GCA: variants seen among roughly 807,000 people sequenced by gnomAD.
GCA encodes the protein grancalcin.
GCA carries 30 observed loss-of-function variants against 32.6 expected under a neutral mutation model. The ratio of observed to expected loss-of-function variants is 0.92; its 90% CI spans 0.69 to 1.25. GCA has a LOEUF of 1.25. Ranked by LOEUF, GCA falls within the 50% of genes most tolerant of loss-of-function variation. GCA has a pLI of 0.00. For synonymous variants in GCA, 102 were observed against 84.6 expected, an observed-to-expected ratio of 1.21 and a Z score of -1.13; for missense variants, 291 against 266.8, an observed-to-expected ratio of 1.09 and a Z score of -0.63.
At chr2:162,357,328 C>T (rs1685331958) in intron 5 of GCA, among the ~76,000 whole-genome samples, 1 of 151,626 alleles carries the variant, frequency 6.6e-6, no homozygotes, top group South Asian at 2.1e-4. Context: ...GAACACATAG[C>T]AGGTGCCAAA....
rs1337982812 is a variant in GCA at position 162,344,292 on chromosome 2, T to A, written c.27+17T>A. The A allele has an allele frequency of 3.1e-6, 5 of 1,612,902 alleles. No homozygotes were observed. Among genetic ancestry groups the A allele is most frequent in the African/African-American group, 2.7e-5 (2 of 74,872 alleles). ...GGAGGAGGGGTGAGTCCCAGCCGCT[T>A]GGTCGTGTCCCTCTTCCTCGCGGGG... On this transcript the variant is annotated intron_variant, in intron 1 of 7. Coordinates refer to ENST00000437150, the MANE Select transcript of GCA (RefSeq NM_012198.5).
downstream of GCA, chr2:162,373,614 C>T: frequency 6.4e-7 from 1 of 1,565,170 alleles, no homozygotes; most frequent in Non-Finnish European, 8.7e-7. Context: ...TTTGTTTCTG[C>T]AGCAACTGTA....
In GCA at chr2:162,360,842, C is replaced by CT; in HGVS notation, c.*605dup. On this transcript the variant is annotated 3_prime_UTR_variant, in exon 8 of 8. Coordinates refer to ENST00000437150, the MANE Select transcript of GCA (RefSeq NM_012198.5). ...AGACTACAGAAGGCATTGTTTTTTC[C>CT]TTTTTTATTTTTTGTATTATATATT... The CT allele has an allele frequency of 8.4e-7, 1 of 1,186,920 alleles. No homozygotes were observed. The highest frequency in any genetic ancestry group is 1.1e-6 in the Non-Finnish European group (1 of 940,892). The allele number at this position is 1,186,920 out of a possible 1,614,324, so 73.5% of individuals were successfully genotyped here. A position where few individuals can be genotyped will look rare whatever the true frequency, so the allele number is the denominator to read the frequency against.
At chr2:162,331,760 A>G (rs1476546116) in intron 1 of GCA, among the ~76,000 whole-genome samples, 1 of 152,216 alleles carries the variant, frequency 6.6e-6, no homozygotes, top group Non-Finnish European at 1.5e-5. Flanking sequence ...TAGCAGAACT[A>G]ACAGACTGAG....
chr2:162,345,131 GGTGGTT>G (rs1553464761), intron 1 of GCA, among the ~76,000 whole-genome samples: 7 of 144,138 alleles, frequency 4.9e-5, no homozygotes, highest in African/African-American at 1.3e-4. Context: ...TGGTGGTGGT[GGTGGTT>G]GTGGTTGTGG....
At chr2:162,327,523 G>A (rs1341026591) in intron 1 of GCA, among the ~76,000 whole-genome samples, 3 of 152,098 alleles carry the variant, frequency 2.0e-5, no homozygotes, top group Admixed American at 6.5e-5. Context: ...GAATTCCCTG[G>A]CCAGGGGAGG....
chr2:162,334,169 G>A (rs912245232), intron 1 of GCA, among the ~76,000 whole-genome samples: 1 of 152,106 alleles, frequency 6.6e-6, no homozygotes, highest in Admixed American at 6.5e-5. Flanking sequence ...TTCCTCTGCC[G>A]CCACCTTGTG....
intron 1 of GCA, among the ~76,000 whole-genome samples, chr2:162,332,182 A>G (rs1053334412): frequency 6.6e-6 from 1 of 151,094 alleles, no homozygotes; most frequent in Non-Finnish European, 1.5e-5. Flanking sequence ...GGTGGCGGGC[A>G]CCTGTAGTCC....
intron 2 of GCA, among the ~76,000 whole-genome samples, 185 bp downstream of exon 2, chr2:162,347,927 G>A (rs1684792652): frequency 1.3e-5 from 2 of 152,094 alleles, no homozygotes; most frequent in Admixed American, 1.3e-4. Flanking sequence ...GTCTGTTGAT[G>A]TGATGCTTGA....
rs1685565635 is a variant in GCA at position 162,361,405 on chromosome 2, C to T, written c.*1162C>T. On this transcript the variant is annotated 3_prime_UTR_variant, in exon 8 of 8. Transcript: ENST00000437150. The stretch of plus-strand genomic sequence containing the variant: ...CTGTCTTAGTGAAGATTTAATAAAC[C>T]ACTTATTTTTCTTATGCTTTAAATG... 2.0e-6 allele frequency: 2 copies of T among 978,332 alleles called. No homozygotes were observed. Among genetic ancestry groups the T allele is most frequent in the East Asian group, 1.1e-4 (1 of 8,740 alleles). The allele number at this position is 978,332 out of a possible 1,614,324, so 60.6% of individuals were successfully genotyped here.
chr2:162,358,940 T>C, intron 5 of GCA, 104 bp from the exon 6 acceptor site: 1 of 566,198 alleles, frequency 1.8e-6, no homozygotes, highest in East Asian at 3.0e-5. Flanking sequence ...ATTATATTTT[T>C]GTGGAATGAA....
downstream of GCA, among the ~76,000 whole-genome samples, chr2:162,366,158 A>G (rs955114856): frequency 5.3e-5 from 8 of 151,784 alleles, no homozygotes; most frequent in Admixed American, 6.6e-5. Flanking sequence ...AGATGTAGTG[A>G]CTATCATTCA....
intron 5 of GCA, 111 bp from the exon 6 acceptor site, chr2:162,358,933 A>G (rs1685418867): frequency 3.6e-6 from 2 of 553,392 alleles, no homozygotes; most frequent in South Asian, 5.0e-5. Context: ...GTTTCTAATT[A>G]TATTTTTGTG....
chr2:162,322,772 G>A (rs1358784234), intron 1 of GCA, among the ~76,000 whole-genome samples: 1 of 151,384 alleles, frequency 6.6e-6, no homozygotes, highest in Non-Finnish European at 1.5e-5. Context: ...ATTCCATGGT[G>A]TATGTGTGCC....
At chr2:162,331,370 C>T (rs1449587185) in intron 1 of GCA, among the ~76,000 whole-genome samples, 1 of 151,488 alleles carries the variant, frequency 6.6e-6, no homozygotes, top group African/African-American at 2.5e-5. Context: ...TGAATTCACA[C>T]ATATGAAACC....
chr2:162,355,069 A>G (rs757465522), intron 3 of GCA, among the ~76,000 whole-genome samples: 1 of 152,334 alleles, frequency 6.6e-6, no homozygotes, highest in African/African-American at 2.4e-5. Context: ...TTACTTGCCC[A>G]AAAGAGGAAA....
chr2:162,373,675 C>T (rs41464145), downstream of GCA: 19,483 of 1,441,260 alleles, frequency 0.014, 1,336 homozygotes, highest in Admixed American at 0.19. Flanking sequence ...ACAGAACAGA[C>T]AGAAGTAGGA....
chr2:162,374,753 CTTCT>C (rs1167109092), downstream of GCA, among the ~76,000 whole-genome samples: 7 of 151,840 alleles, frequency 4.6e-5, no homozygotes, highest in African/African-American at 1.2e-4. Flanking sequence ...CCAAATCTTC[CTTCT>C]AAGAATCACA....
At chr2:162,355,975 C>T (rs914623367) in intron 3 of GCA, among the ~76,000 whole-genome samples, 2 of 151,944 alleles carry the variant, frequency 1.3e-5, no homozygotes, top group Non-Finnish European at 2.9e-5. Flanking sequence ...GGGTAGTATT[C>T]AAAAGTTTCA....
Sources: gnomAD v4.1 joint callset for allele counts (sites outside exome capture counted in the v4.1 genomes callset) on GRCh38, gnomAD v4.1.1 for gene constraint, MANE v1.5 for transcripts, NCBI Gene and HGNC (gene_info 2026-07-23, HGNC 2026-07-21) for gene names.